ZNRF1: variants seen among roughly 807,000 people sequenced by gnomAD.
ZNRF1 encodes zinc and ring finger 1.
Under a neutral mutation model 18.4 loss-of-function variants are expected in ZNRF1, and 3 were observed. That is an observed-to-expected ratio of 0.16 (90% CI 0.07 to 0.42). The LOEUF is 0.42. ZNRF1 is among the 10% of genes least tolerant of loss of function. ZNRF1 has a pLI of 0.99. For missense variants in ZNRF1, 310 were observed against 329.8 expected (o/e 0.94, Z 0.47); for synonymous variants, 157 against 144.2 (o/e 1.09, Z -0.64).
chr16:75,023,181 C>G (rs1200392431), intron 1 of ZNRF1, among the ~76,000 whole-genome samples: 2 of 152,176 alleles, frequency 1.3e-5, no homozygotes, highest in African/African-American at 2.4e-5. Context: ...AAATTTGACT[C>G]AAGTTGGAAA....
chr16:75,042,625 C>T (rs1189970296), intron 1 of ZNRF1, among the ~76,000 whole-genome samples: 1 of 152,016 alleles, frequency 6.6e-6, no homozygotes, highest in Non-Finnish European at 1.5e-5. Context: ...ATTGTGGTTA[C>T]TTGTAACTTT....
In ZNRF1 at chr16:75,047,438, G is replaced by A. The variant is rs1455378963; in HGVS notation, c.425-46134G>A. Among the ~76,000 whole-genome samples, 28 of 152,244 alleles carry A rather than the reference G, an allele frequency of 1.8e-4. 1 individual carries two copies. The highest frequency in any genetic ancestry group is 1.8e-3 in the Admixed American group (28 of 15,282). On this transcript the variant is annotated intron_variant, in intron 1 of 4. Coordinates refer to ENST00000335325, the MANE Select transcript of ZNRF1 (RefSeq NM_032268.5). ...GCCTCCCAGAGAGTCGGGATTACAAGCATGAGCTTGTGCCTGGCTCAATTT... is the reference window on the plus strand; with the variant it reads ...GCCTCCCAGAGAGTCGGGATTACAAACATGAGCTTGTGCCTGGCTCAATTT...
At position 75,107,932 on chromosome 16, in the gene ZNRF1, C is replaced by A; in HGVS notation, c.*232C>A. On this transcript the variant is annotated 3_prime_UTR_variant, in exon 5 of 5. Transcript: ENST00000335325. ...AACTGCTATCCTTCCCCTCACCCCT[C>A]AGCCCAGGAGGGAAAGGGCATTTTC... 1 of 395,722 alleles carries A rather than the reference C, an allele frequency of 2.5e-6. No individual in the cohort carries two copies. Among genetic ancestry groups the A allele is most frequent in the Non-Finnish European group, 5.2e-6 (1 of 192,860 alleles). 24.5% of individuals were successfully genotyped at this position (395,722 alleles called of 1,614,324 possible). A position where few individuals can be genotyped will look rare whatever the true frequency, so the allele number is the denominator to read the frequency against.
At chr16:75,086,674 C>G (rs1240664081) in intron 1 of ZNRF1, among the ~76,000 whole-genome samples, 7 of 152,106 alleles carry the variant, frequency 4.6e-5, no homozygotes, top group Non-Finnish European at 7.3e-5. Flanking sequence ...TATTCAAGTC[C>G]CATTTTATTG....
At position 75,108,505 on chromosome 16, in the gene ZNRF1, T is replaced by G. The variant is rs571249473; in HGVS notation, c.*805T>G. 1 of 398,702 alleles carries G rather than the reference T, an allele frequency of 2.5e-6. No homozygotes were observed. Among genetic ancestry groups the G allele is most frequent in the East Asian group, 3.6e-5 (1 of 28,060 alleles). 24.7% of individuals were successfully genotyped at this position (398,702 alleles called of 1,614,324 possible). On this transcript the variant is annotated 3_prime_UTR_variant, in exon 5 of 5. Coordinates refer to ENST00000335325, the MANE Select transcript of ZNRF1 (RefSeq NM_032268.5). ...ACTAAGAAATATGTACAGCTACCCC[T>G]GTTTTCAGGCACTATGTTTGAGAAC...
intron 1 of ZNRF1, among the ~76,000 whole-genome samples, chr16:75,001,201 A>G (rs1039129583): frequency 3.9e-5 from 6 of 152,070 alleles, no homozygotes; most frequent in Non-Finnish European, 2.9e-5. Context: ...AGGGTACTTT[A>G]TGGAGGGTAA....
chr16:75,089,131 C>G (rs995449854), intron 1 of ZNRF1, among the ~76,000 whole-genome samples: 2 of 152,102 alleles, frequency 1.3e-5, no homozygotes, highest in African/African-American at 4.8e-5. Context: ...TAGACAGGGT[C>G]TCACTCTGTT....
intron 1 of ZNRF1, among the ~76,000 whole-genome samples, chr16:75,024,339 C>T (rs2035193688): frequency 6.6e-6 from 1 of 152,090 alleles, no homozygotes; most frequent in Admixed American, 6.5e-5. Flanking sequence ...TACTATGAGC[C>T]AAATATGTTA....
intron 1 of ZNRF1, among the ~76,000 whole-genome samples, chr16:75,064,101 C>A (rs2035774273): frequency 6.6e-6 from 1 of 151,872 alleles, no homozygotes; most frequent in Non-Finnish European, 1.5e-5. Flanking sequence ...GAGTTTGAGA[C>A]CAGCCTGGGG....
intron 1 of ZNRF1, among the ~76,000 whole-genome samples, chr16:75,015,635 C>G (rs902734578): frequency 2.0e-5 from 3 of 152,034 alleles, no homozygotes; most frequent in African/African-American, 7.2e-5. Context: ...CCAGGCTGGA[C>G]TGTAGTGGCG....
At position 75,085,625 on chromosome 16, in the gene ZNRF1, CTG is replaced by C. The variant is rs1190644020; in HGVS notation, c.425-7943_425-7942del. On this transcript the variant is annotated intron_variant, in intron 1 of 4. Transcript: ENST00000335325. ...ACTACCAGACCTTTCCCCAAAGTGGCTGTGTCATTTTATATTCCCTCAAACAT... is the reference window on the plus strand; with the variant it reads ...ACTACCAGACCTTTCCCCAAAGTGGCTGTCATTTTATATTCCCTCAAACAT... Among the ~76,000 whole-genome samples the C allele has an allele frequency of 2.0e-5, 3 of 152,266 alleles. No homozygotes were observed. The East Asian group carries it at 5.8e-4, about 29-fold the overall frequency.
At position 74,999,785 on chromosome 16, in the gene ZNRF1, G is replaced by A; in HGVS notation, c.114G>A (p.Arg38=). The change falls in exon 1 of 5, where the codon CGG becomes CGA. Residue 38 remains arginine, a synonymous_variant. Coordinates refer to ENST00000335325, the MANE Select transcript of ZNRF1 (RefSeq NM_032268.5). ...GGGCGCCCCATTTCGGGCACTACCG[G>A]ACGGGCGGCGGGGCCATGGGGCTGC... ...PGGAPHFGHY[R]TGGGAMGLRS... 1 of 1,415,998 alleles carries A rather than the reference G, an allele frequency of 7.1e-7. No individual in the cohort carries two copies. Among genetic ancestry groups the A allele is most frequent in the South Asian group, 1.5e-5 (1 of 66,650 alleles). The allele number at this position is 1,415,998 out of a possible 1,614,324, so 87.7% of individuals were successfully genotyped here.
At chr16:75,043,211 C>T (rs1397405879) in intron 1 of ZNRF1, among the ~76,000 whole-genome samples, 1 of 152,226 alleles carries the variant, frequency 6.6e-6, no homozygotes, top group Non-Finnish European at 1.5e-5. Context: ...CTGGTTCCCT[C>T]AGCCCTGAGC....
intron 2 of ZNRF1, among the ~76,000 whole-genome samples, chr16:75,097,359 G>A (rs549870933): frequency 2.6e-5 from 4 of 152,124 alleles, no homozygotes; most frequent in South Asian, 2.1e-4. Context: ...TCTGGGGGGC[G>A]GCAGGTTCAT....
In ZNRF1 at chr16:75,061,146, T is replaced by G. The variant is rs528639949; in HGVS notation, c.425-32426T>G. On this transcript the variant is annotated intron_variant, in intron 1 of 4. Coordinates refer to ENST00000335325, the MANE Select transcript of ZNRF1 (RefSeq NM_032268.5). ...ATCCATCCCCTCAAGCATTTATCCT[T>G]TGAGTTACACACGAAACAATTACAC... is the stretch of plus-strand genomic sequence containing the variant. Among the ~76,000 whole-genome samples, 22 of 152,352 alleles carry G rather than the reference T, an allele frequency of 1.4e-4. No homozygotes were observed. In the South Asian group the frequency reaches 4.6e-3, roughly 32 times the overall value.
intron 2 of ZNRF1, chr16:75,095,512 T>TC (rs978418618): frequency 7.5e-7 from 1 of 1,340,304 alleles, no homozygotes; most frequent in Non-Finnish European, 9.8e-7. Flanking sequence ...TTCACTTCTT[T>TC]CCCACATGTG....
At chr16:75,014,092 A>G (rs1216696643) in intron 1 of ZNRF1, among the ~76,000 whole-genome samples, 1 of 152,090 alleles carries the variant, frequency 6.6e-6, no homozygotes, top group East Asian at 1.9e-4. Flanking sequence ...TATCTTCCCA[A>G]AGTGCTGGGA....
intron 1 of ZNRF1, among the ~76,000 whole-genome samples, chr16:75,050,877 AAAAAAAAAAAACAAAAAAAAAC>A (rs1452054782): frequency 2.9e-5 from 3 of 104,856 alleles, no homozygotes; most frequent in African/African-American, 8.0e-5. Flanking sequence ...TCTCAAAAAA[AAAAAAAAAAAACAAAAAAAAAC>A]AAAAAACTTG....
At chr16:75,042,445 T>TG (rs1406383216) in intron 1 of ZNRF1, among the ~76,000 whole-genome samples, 1 of 33,512 alleles carries the variant, frequency 3.0e-5, no homozygotes, top group Non-Finnish European at 8.0e-5. Flanking sequence ...GTTTCTTTCT[T>TG]TTTTTTTTTT....
Sources: allele counts gnomAD v4.1 joint callset (sites outside exome capture counted in the v4.1 genomes callset), GRCh38; gene constraint gnomAD v4.1.1; transcripts MANE v1.5; gene names NCBI Gene and HGNC (gene_info 2026-07-23, HGNC 2026-07-21).